Variants in FAM117B observed in about 807,000 individuals in gnomAD.
FAM117B encodes protein FAM117B.
A neutral mutation model predicts 52.8 loss-of-function variants in FAM117B; 22 were observed. The observed-to-expected ratio is 0.42, with a 90% CI of 0.30 to 0.59. FAM117B has a LOEUF of 0.59. Among genes scored for constraint, FAM117B ranks in the 20% least tolerant of loss-of-function variants. FAM117B has a pLI of 0.22. For synonymous variants in FAM117B, 309 were observed against 324.1 expected, an observed-to-expected ratio of 0.95 and a Z score of 0.50; for missense variants, 678 against 802.6, an observed-to-expected ratio of 0.84 and a Z score of 1.88.
chr2:202,665,186 CTT>C (rs1052100943), intron 1 of FAM117B, among the ~76,000 whole-genome samples: 6 of 143,540 alleles, frequency 4.2e-5, no homozygotes, highest in Admixed American at 7.0e-5. Context: ...TTTCTTTTTT[CTT>C]TTTTTTTTTT....
intron 4 of FAM117B, among the ~76,000 whole-genome samples, chr2:202,740,762 C>T (rs944061021): frequency 3.3e-5 from 5 of 151,992 alleles, no homozygotes; most frequent in Non-Finnish European, 7.4e-5. Flanking sequence ...AGTCATATTG[C>T]TTGAAGGTAG....
At chr2:202,722,272 G>A (rs192310494) in intron 2 of FAM117B, among the ~76,000 whole-genome samples, 16 of 152,062 alleles carry the variant, frequency 1.1e-4, no homozygotes, top group African/African-American at 3.6e-4. Flanking sequence ...GGCCTCCTGG[G>A]ATTACAGGCA....
At chr2:202,635,819 A>G (rs1335102486) in intron 1 of FAM117B, 31 bp downstream of exon 1, 4 of 1,398,762 alleles carry the variant, frequency 2.9e-6, no homozygotes, top group East Asian at 3.1e-5. Flanking sequence ...AGCAAGGGGG[A>G]GGCGGCTGCG....
intron 4 of FAM117B, among the ~76,000 whole-genome samples, chr2:202,735,586 G>A (rs1279810438): frequency 1.3e-5 from 2 of 152,124 alleles, no homozygotes; most frequent in East Asian, 1.9e-4. Context: ...CATTTCAAAG[G>A]TTTCCCCAAA....
chr2:202,720,890 C>T (rs186245642), intron 2 of FAM117B, among the ~76,000 whole-genome samples: 1 of 152,264 alleles, frequency 6.6e-6, no homozygotes, highest in Admixed American at 6.5e-5. Context: ...TTTTCACTTC[C>T]ATTGATGATC....
intron 7 of FAM117B, among the ~76,000 whole-genome samples, chr2:202,763,315 G>A (rs574468747): frequency 1.3e-5 from 2 of 151,922 alleles, no homozygotes; most frequent in Non-Finnish European, 2.9e-5. Flanking sequence ...CTCATGATCC[G>A]CTCGCCTTGG....
At position 202,643,131 on chromosome 2, in the gene FAM117B, A is replaced by G. The variant is rs1019617732; in HGVS notation, c.601+7343A>G. On this transcript the variant is annotated intron_variant, in intron 1 of 7. Transcript: ENST00000392238. ...ATGAGGAAGTAGAGGTAATGAGTAT[A>G]AAGTACTTTAATGTGGACGGAAGGA... is the stretch of plus-strand genomic sequence containing the variant. Among the ~76,000 whole-genome samples, 11 of 152,208 alleles carry G rather than the reference A, an allele frequency of 7.2e-5. 1 individual carries two copies. Among genetic ancestry groups the G allele is most frequent in the African/African-American group, 1.9e-4 (8 of 41,446 alleles).
chr2:202,700,685 ATT>A (rs747907499), intron 2 of FAM117B, among the ~76,000 whole-genome samples: 20 of 138,052 alleles, frequency 1.4e-4, no homozygotes, highest in Admixed American at 1.4e-4. Context: ...CTAAACAAGA[ATT>A]TTTTTTTTTT....
At chr2:202,757,484 C>A (rs372704060) in intron 6 of FAM117B, 46 bp downstream of exon 6, 16 of 1,533,014 alleles carry the variant, frequency 1.0e-5, no homozygotes, top group African/African-American at 1.4e-5. Context: ...TGGAATACCT[C>A]CTCTTGTATC....
intron 1 of FAM117B, among the ~76,000 whole-genome samples, chr2:202,652,130 G>A (rs1689967496): frequency 6.6e-6 from 1 of 151,400 alleles, no homozygotes; most frequent in South Asian, 2.1e-4. Context: ...ACAAGGTCTT[G>A]CTCTGTTTCC....
At chr2:202,650,554 C>T (rs1199798445) in intron 1 of FAM117B, among the ~76,000 whole-genome samples, 12 of 152,070 alleles carry the variant, frequency 7.9e-5, no homozygotes, top group East Asian at 1.9e-4. Context: ...TATTGACTCA[C>T]GTGATCACAA....
chr2:202,709,188 T>A (rs956190391), intron 2 of FAM117B, among the ~76,000 whole-genome samples: 1 of 151,912 alleles, frequency 6.6e-6, no homozygotes, highest in African/African-American at 2.4e-5. Flanking sequence ...CTTTTTTTTT[T>A]CCCCAAGTCC....
chr2:202,637,873 C>CTT lies in FAM117B; in HGVS notation c.601+2105_601+2106dup, dbSNP rs556979899. 8.4e-4 allele frequency among the ~76,000 whole-genome samples: 110 copies of CTT among 130,730 alleles called. 1 individual carries two copies. The highest frequency in any genetic ancestry group is 3.9e-3 in the Middle Eastern group (1 of 254). The allele number at this position is 130,730 out of a possible 152,430, so 85.8% of individuals were successfully genotyped here. On this transcript the variant is annotated intron_variant, in intron 1 of 7. Transcript: ENST00000392238. ...AAATTACATGTACTTAGTTAGGTAA[C>CTT]TTTTTTTTTTTTTTTTTTTTTAAGA...
At chr2:202,752,654 A>AT (rs1163631000) in intron 4 of FAM117B, among the ~76,000 whole-genome samples, 1 of 152,118 alleles carries the variant, frequency 6.6e-6, no homozygotes, top group East Asian at 1.9e-4. Context: ...TAAATGAAGG[A>AT]TAGGTTAATC....
rs1363564202 is a variant in FAM117B at position 202,765,715 on chromosome 2, C to T, written c.1721C>T (p.Ser574Leu). The T allele has an allele frequency of 6.2e-7, 1 of 1,614,148 alleles. No individual in the cohort carries two copies. The highest frequency in any genetic ancestry group is 8.5e-7 in the Non-Finnish European group (1 of 1,180,030). The change falls in exon 8 of 8, where the codon TCA becomes TTA. Residue 574 changes from serine (S) to leucine (L), a missense_variant. By Grantham distance (145) the Ser-to-Leu change is moderately radical. Around this residue, in one of 3 missense-constraint regions of FAM117B, gnomAD observed 68 missense variants for 80.6 expected, o/e 0.84. Transcript: ENST00000392238. ...CGAGGAACAAGTACAGTCATGCCAT[C>T]AGCTTCTCTACTCCCACCACCAGAA... The part of the protein sequence containing the change: ...VSRGTSTVMP[S>L]ASLLPPPEPI...
intron 1 of FAM117B, among the ~76,000 whole-genome samples, chr2:202,686,094 T>TA (rs1162326879): frequency 6.6e-6 from 1 of 152,144 alleles, no homozygotes; most frequent in African/African-American, 2.4e-5. Context: ...ACCTATCAGT[T>TA]AAAAAATGGA....
chr2:202,756,215 A>G (rs1691798399), intron 5 of FAM117B, among the ~76,000 whole-genome samples: 1 of 152,144 alleles, frequency 6.6e-6, no homozygotes, highest in Admixed American at 6.6e-5. Flanking sequence ...TCAGGAGTTC[A>G]AGACCCATCT....
rs1369747673 is a variant in FAM117B at position 202,751,975 on chromosome 2, A to G, written c.961-3563A>G. On this transcript the variant is annotated intron_variant, in intron 4 of 7. Transcript: ENST00000392238. ...GCTGAGAATGGAAAAGGGATCAGAAAGAAGAGATGGAAGTAAAGGGAATAA... is the reference window on the plus strand; with the variant it reads ...GCTGAGAATGGAAAAGGGATCAGAAGGAAGAGATGGAAGTAAAGGGAATAA... Among the ~76,000 whole-genome samples the G allele has an allele frequency of 2.0e-5, 3 of 152,076 alleles. No individual in the cohort carries two copies. In the East Asian group the frequency reaches 5.8e-4, roughly 29 times the overall value.
rs1691947858 is a variant in FAM117B, at chr2:202,764,572, T to G, written c.1452-874T>G. On this transcript the variant is annotated intron_variant, in intron 7 of 7. Coordinates refer to ENST00000392238, the MANE Select transcript of FAM117B (RefSeq NM_173511.4). ...GGTGTGAACCACCATGGCTGGCTGATTTAGATTTTTATTGTCATTGGAAGA... is the reference window on the plus strand; with the variant it reads ...GGTGTGAACCACCATGGCTGGCTGAGTTAGATTTTTATTGTCATTGGAAGA... Among the ~76,000 whole-genome samples the G allele has an allele frequency of 2.0e-5, 3 of 152,184 alleles. No individual in the cohort carries two copies. The South Asian group carries it at 6.2e-4, about 32-fold the overall frequency.
Sources: allele counts gnomAD v4.1 joint callset (sites outside exome capture counted in the v4.1 genomes callset), GRCh38; gene constraint gnomAD v4.1.1; regional missense constraint gnomAD v4.1.1; transcripts MANE v1.5; gene names NCBI Gene and HGNC (gene_info 2026-07-23, HGNC 2026-07-21).